ZFAND3: variants seen among roughly 807,000 people sequenced by gnomAD.
The protein encoded by ZFAND3 is AN1-type zinc finger protein 3.
A neutral mutation model predicts 29.6 loss-of-function variants in ZFAND3; 10 were observed. That is an observed-to-expected ratio of 0.34 (90% CI 0.21 to 0.57). ZFAND3 has a LOEUF of 0.57. Among genes scored for constraint, ZFAND3 ranks in the 20% least tolerant of loss-of-function variants. ZFAND3 has a pLI of 0.86. For synonymous variants in ZFAND3, 128 were observed against 112.6 expected, an observed-to-expected ratio of 1.14 and a Z score of -0.87; for missense variants, 230 against 304.5, an observed-to-expected ratio of 0.76 and a Z score of 1.82.
intron 1 of ZFAND3, among the ~76,000 whole-genome samples, chr6:37,851,951 G>A (rs1197668190): frequency 6.6e-6 from 1 of 152,166 alleles, no homozygotes; most frequent in Non-Finnish European, 1.5e-5. Context: ...CTGATACATT[G>A]CAGTAAAGTG....
At chr6:37,999,307 G>C (rs1762904660) in intron 2 of ZFAND3, among the ~76,000 whole-genome samples, 1 of 152,184 alleles carries the variant, frequency 6.6e-6, no homozygotes, top group Non-Finnish European at 1.5e-5. Flanking sequence ...ATAACTAAAA[G>C]AGGGAGAAAG....
At chr6:38,117,717 C>T (rs186973833) in intron 5 of ZFAND3, among the ~76,000 whole-genome samples, 17 of 152,226 alleles carry the variant, frequency 1.1e-4, no homozygotes, top group African/African-American at 3.4e-4. Context: ...CTGGGACAGC[C>T]GAAGATATCC....
intron 2 of ZFAND3, among the ~76,000 whole-genome samples, chr6:38,006,654 G>C (rs1763054372): frequency 1.2e-5 from 1 of 86,528 alleles, no homozygotes; most frequent in African/African-American, 3.5e-5. Context: ...TGAGGAAGAG[G>C]GTTTTTTTTT....
At chr6:37,941,306 A>G (rs1192540630) in intron 2 of ZFAND3, among the ~76,000 whole-genome samples, 3 of 152,218 alleles carry the variant, frequency 2.0e-5, no homozygotes, top group Non-Finnish European at 4.4e-5. Context: ...TTGTACTGTG[A>G]GGATGTAACA....
intron 5 of ZFAND3, among the ~76,000 whole-genome samples, chr6:38,144,171 G>GATATATATAT (rs1315714773): frequency 4.0e-4 from 35 of 87,302 alleles, no homozygotes; most frequent in African/African-American, 1.7e-3. Context: ...AGAAAAATGT[G>GATATATATAT]ATATATATAT....
At chr6:38,032,835 G>T (rs760831856) in intron 2 of ZFAND3, among the ~76,000 whole-genome samples, 7 of 152,196 alleles carry the variant, frequency 4.6e-5, no homozygotes, top group Non-Finnish European at 8.8e-5. Context: ...TCATTGATTT[G>T]AGTGGTGTGT....
intron 1 of ZFAND3, among the ~76,000 whole-genome samples, chr6:37,904,578 C>T (rs1765375905): frequency 1.3e-5 from 2 of 152,018 alleles, no homozygotes; most frequent in South Asian, 4.2e-4. Context: ...ACATTTTCCC[C>T]ATGTATAATG....
At chr6:37,938,348 A>C (rs1048456444) in intron 2 of ZFAND3, among the ~76,000 whole-genome samples, 10 of 152,164 alleles carry the variant, frequency 6.6e-5, no homozygotes, top group African/African-American at 2.4e-4. Context: ...TTTGTACCAA[A>C]CTGGTACTAT....
At chr6:37,895,891 A>G (rs1765194921) in intron 1 of ZFAND3, among the ~76,000 whole-genome samples, 1 of 152,150 alleles carries the variant, frequency 6.6e-6, no homozygotes, top group Non-Finnish European at 1.5e-5. Flanking sequence ...CATTTACTCC[A>G]CTACTGAGGC....
chr6:37,908,530 A>T (rs1389968778), intron 1 of ZFAND3, among the ~76,000 whole-genome samples: 18 of 97,616 alleles, frequency 1.8e-4, no homozygotes, highest in East Asian at 4.2e-4. Context: ...AAGTATAATT[A>T]AAAAAAAAAA....
chr6:37,848,546 ATAAGTTAC>A (rs1396579004), intron 1 of ZFAND3, among the ~76,000 whole-genome samples: 1 of 152,248 alleles, frequency 6.6e-6, no homozygotes, highest in Non-Finnish European at 1.5e-5. Flanking sequence ...TAGCCTCATC[ATAAGTTAC>A]TCTTTGCTAA....
At chr6:37,928,535 T>C (rs1205141663) in intron 1 of ZFAND3, among the ~76,000 whole-genome samples, 1 of 152,126 alleles carries the variant, frequency 6.6e-6, no homozygotes, top group East Asian at 1.9e-4. Flanking sequence ...ATTACTATTT[T>C]TTGGAGACAG....
intron 3 of ZFAND3, among the ~76,000 whole-genome samples, chr6:38,075,356 A>G (rs1197745084): frequency 6.6e-6 from 1 of 152,202 alleles, no homozygotes; most frequent in East Asian, 1.9e-4. Context: ...TCTAACCCTC[A>G]TGGATGATTT....
At chr6:38,004,895 G>A (rs890620004) in intron 2 of ZFAND3, among the ~76,000 whole-genome samples, 9 of 152,098 alleles carry the variant, frequency 5.9e-5, no homozygotes, top group Non-Finnish European at 1.0e-4. Context: ...GTTCTTTTGG[G>A]GGGCTCAGTA....
intron 2 of ZFAND3, among the ~76,000 whole-genome samples, chr6:38,018,140 C>G (rs1763283788): frequency 6.6e-6 from 1 of 152,132 alleles, no homozygotes; most frequent in South Asian, 2.1e-4. Flanking sequence ...GTAATATCAC[C>G]TGTAACCTGA....
intron 2 of ZFAND3, among the ~76,000 whole-genome samples, chr6:37,955,983 G>A (rs2645100): frequency 6.6e-6 from 1 of 152,176 alleles, no homozygotes; most frequent in Non-Finnish European, 1.5e-5. Flanking sequence ...GGGTGGTTTA[G>A]AGTCGGGGTG....
chr6:37,824,089 G>T (rs906550369), intron 1 of ZFAND3, among the ~76,000 whole-genome samples: 1 of 152,158 alleles, frequency 6.6e-6, no homozygotes, highest in African/African-American at 2.4e-5. Flanking sequence ...ATATATTAAC[G>T]TCATATTTTT....
intron 1 of ZFAND3, among the ~76,000 whole-genome samples, chr6:37,888,697 TG>T (rs1765042633): frequency 6.6e-6 from 1 of 152,196 alleles, no homozygotes; most frequent in Admixed American, 6.5e-5. Flanking sequence ...ACCCTTAAAA[TG>T]GGTGAGGATA....
intron 4 of ZFAND3, among the ~76,000 whole-genome samples, chr6:38,091,563 G>T (rs1471902863): frequency 2.2e-5 from 3 of 136,954 alleles, no homozygotes; most frequent in African/African-American, 5.6e-5. Context: ...GTGTGTGCCT[G>T]TTAGAAGGCA....
Sources: allele counts gnomAD v4.1 joint callset (sites outside exome capture counted in the v4.1 genomes callset), GRCh38; gene constraint gnomAD v4.1.1; transcripts MANE v1.5; gene names NCBI Gene and HGNC (gene_info 2026-07-23, HGNC 2026-07-21).